The following PDZD7 variants were observed in gnomAD, a reference collection of about 807,000 sequenced individuals.
PDZD7 encodes the protein PDZ domain-containing protein 7.
In PDZD7, 72 loss-of-function variants were observed where a neutral mutation model predicts 84.7. That is an observed-to-expected ratio of 0.85 (90% CI 0.70 to 1.03). PDZD7 has a LOEUF of 1.03. Among genes scored for constraint, PDZD7 ranks in the 50% least tolerant of loss-of-function variants. The pLI, the probability that PDZD7 is intolerant of heterozygous loss-of-function variation, is 0.00. For synonymous variants in PDZD7, 594 were observed against 580.7 expected, an observed-to-expected ratio of 1.02 and a Z score of -0.33; for missense variants, 1,490 against 1,412.9, an observed-to-expected ratio of 1.05 and a Z score of -0.87.
In PDZD7 at chr10:101,015,794, C is replaced by T. The variant is rs1852594005; in HGVS notation, c.1591G>A (p.Ala531Thr). ...CTCCCAGACCTGGCAGACAGCAGGGCCCGGCCCCTCTCCTGGTCTGCAGGG... is the reference window on the plus strand; with the variant it reads ...CTCCCAGACCTGGCAGACAGCAGGGTCCGGCCCCTCTCCTGGTCTGCAGGG... ...RLRRDQERGR[A>T]LLSARSGSPS... Residue 531 changes from alanine to threonine, a missense_variant, in exon 11 of 17, where the codon GCC (alanine) becomes ACC (threonine). By Grantham distance (58) the Ala-to-Thr change is moderately conservative. Transcript: ENST00000619208. 9 of 1,548,678 alleles carry T rather than the reference C, an allele frequency of 5.8e-6. No homozygotes were observed. The highest frequency in any genetic ancestry group is 7.8e-6 in the Non-Finnish European group (9 of 1,146,514).
At chr10:101,022,795 G>A (rs1853192507) in intron 4 of PDZD7, among the ~76,000 whole-genome samples, 2 of 151,700 alleles carry the variant, frequency 1.3e-5, no homozygotes, top group Non-Finnish European at 2.9e-5. Flanking sequence ...TTTTTGAGAT[G>A]GAGTTTCACT....
At chr10:101,021,739 G>A in intron 6 of PDZD7, 59 bp downstream of exon 6, 1 of 1,611,218 alleles carries the variant, frequency 6.2e-7, no homozygotes, top group Non-Finnish European at 8.5e-7. Context: ...AAGAACTAGG[G>A]TGGTCTGGGA....
At position 101,030,058 on chromosome 10, in the gene PDZD7, G is replaced by A; in HGVS notation, c.162C>T (p.Pro54=). 6.2e-7 allele frequency: 1 copy of A among 1,614,106 alleles called. No individual in the cohort carries two copies. Among genetic ancestry groups the A allele is most frequent in the Non-Finnish European group, 8.5e-7 (1 of 1,180,034 alleles). ...LRKQQRLLNG[P]PRGIRASSPM... The stretch of plus-strand genomic sequence containing the variant: ...GCGATGAGGCTCGGATTCCGCGGGG[G>A]GGCCCGTTCAGCAGCCGTTGTTGCT... Residue 54 remains proline, a synonymous_variant, in exon 2 of 17, where the codon CCC becomes CCT. Transcript: ENST00000619208.
chr10:101,025,522 T>TTTTATTTATTTA (rs59545181), intron 2 of PDZD7, among the ~76,000 whole-genome samples: 1,978 of 138,024 alleles, frequency 0.014, 30 homozygotes, highest in African/African-American at 0.037. Flanking sequence ...ATGGAAGGGA[T>TTTTATTTATTTA]TTTATTTATT....
At chr10:101,017,847 G>GA (rs1427054638) in intron 9 of PDZD7, 12 of 309,228 alleles carry the variant, frequency 3.9e-5, no homozygotes, top group East Asian at 2.3e-4. Context: ...AGGAAAGAAA[G>GA]AAAGAAAGAA....
chr10:101,008,782 G>A lies in PDZD7; in HGVS notation c.2787C>T (p.Asp929=). 2 of 1,534,870 alleles carry A rather than the reference G, an allele frequency of 1.3e-6. No individual in the cohort carries two copies. Among genetic ancestry groups the A allele is most frequent in the Non-Finnish European group, 1.7e-6 (2 of 1,145,986 alleles). Residue 929 remains aspartate, a synonymous_variant, in exon 17 of 17, where the codon GAC becomes GAT. Transcript: ENST00000619208. ...TGTTTCGATAAGCCCGACGGATGGT[G>A]TCTACTGCACGCTGGTGGGTCACCT... is the stretch of plus-strand genomic sequence containing the variant. ...LEQVTHQRAV[D]TIRRAYRNKA... is the part of the protein sequence containing the mutation.
chr10:101,011,208 A>T (rs1260920173), intron 14 of PDZD7: 28 of 524,860 alleles, frequency 5.3e-5, no homozygotes, highest in Non-Finnish European at 6.2e-5. Flanking sequence ...AGCCCAGGTC[A>T]TTTTTGTATT....
At chr10:101,024,835 A>G (rs914857965) in intron 2 of PDZD7, among the ~76,000 whole-genome samples, 6 of 148,234 alleles carry the variant, frequency 4.0e-5, no homozygotes, top group African/African-American at 7.4e-5. Flanking sequence ...CCTTCCTAAT[A>G]TGTGTGTGTG....
chr10:101,014,811 A>G (rs10883569), intron 11 of PDZD7, among the ~76,000 whole-genome samples: 43,280 of 152,090 alleles, frequency 0.28, 7,311 homozygotes, highest in Middle Eastern at 0.39. Flanking sequence ...CAGACATACA[A>G]CACAGCCCCA....
Position 101,029,998 on chromosome 10 carries a change from G to T in PDZD7, c.222C>A (p.Ile74=). ...MGRVILINSP[I]EANSDESDII... is the part of the protein sequence containing the mutation. ...GTGGCTGGGTCCCGCCCCTACCTTC[G>T]ATGGGGGAGTTGATGAGGATGACGC... The change falls in exon 2 of 17, where the codon ATC becomes ATA. Residue 74 remains isoleucine, a synonymous_variant. Coordinates refer to ENST00000619208, the MANE Select transcript of PDZD7 (RefSeq NM_001195263.2). 7 of 1,598,844 alleles carry T rather than the reference G, an allele frequency of 4.4e-6. No individual in the cohort carries two copies. Among genetic ancestry groups the T allele is most frequent in the Non-Finnish European group, 6.0e-6 (7 of 1,171,146 alleles).
At chr10:101,014,500 T>C (rs912599240) in intron 11 of PDZD7, among the ~76,000 whole-genome samples, 4 of 152,122 alleles carry the variant, frequency 2.6e-5, no homozygotes, top group African/African-American at 7.2e-5. Flanking sequence ...TGGAGGCTGG[T>C]ACACGCTGCC....
chr10:101,014,825 T>C (rs1210271852), intron 11 of PDZD7, among the ~76,000 whole-genome samples: 4 of 152,066 alleles, frequency 2.6e-5, no homozygotes, highest in Admixed American at 6.6e-5. Flanking sequence ...AGCCCCACTT[T>C]GAGTAAGATG....
intron 7 of PDZD7, 108 bp downstream of exon 7, chr10:101,020,510 T>C: frequency 9.5e-7 from 1 of 1,056,602 alleles, no homozygotes; most frequent in Non-Finnish European, 1.4e-6. Context: ...AATGCTGGGA[T>C]TACAGGTGTA....
intron 4 of PDZD7, 56 bp downstream of exon 4, chr10:101,023,380 A>G: frequency 6.4e-7 from 1 of 1,568,370 alleles, no homozygotes. Flanking sequence ...GGGTGTTGGT[A>G]GGGTTGGGGT....
chr10:101,030,615 G>A (rs1590082462), intron 1 of PDZD7: 1 of 386,026 alleles, frequency 2.6e-6, no homozygotes, highest in Non-Finnish European at 5.0e-6. Flanking sequence ...TCGGGGCTGA[G>A]TCATCTACTC....
chr10:101,023,322 T>G, intron 4 of PDZD7, 114 bp downstream of exon 4: 1 of 1,339,044 alleles, frequency 7.5e-7, no homozygotes, highest in South Asian at 1.2e-5. Context: ...CTGCGTTTCC[T>G]GAGCCAGCGA....
chr10:101,016,704 C>T (rs541610349), intron 9 of PDZD7, among the ~76,000 whole-genome samples: 4 of 152,238 alleles, frequency 2.6e-5, no homozygotes, highest in Admixed American at 2.6e-4. Flanking sequence ...GAGGGAAGAA[C>T]CTCAGGGACA....
intron 1 of PDZD7, chr10:101,030,711 G>C: frequency 3.7e-6 from 1 of 267,254 alleles, no homozygotes; most frequent in Non-Finnish European, 7.5e-6. Context: ...ACAAAAGAGA[G>C]GTCAGGACAG....
At chr10:101,027,737 T>A (rs1289605510) in intron 2 of PDZD7, among the ~76,000 whole-genome samples, 3 of 152,236 alleles carry the variant, frequency 2.0e-5, no homozygotes, top group Non-Finnish European at 4.4e-5. Context: ...GATTTATCTG[T>A]CTCTTTTCAC....
Sources: gnomAD v4.1 joint callset for allele counts (sites outside exome capture counted in the v4.1 genomes callset) on GRCh38, gnomAD v4.1.1 for gene constraint, MANE v1.5 for transcripts, NCBI Gene and HGNC (gene_info 2026-07-23, HGNC 2026-07-21) for gene names.